Variants in TMEM150B observed in about 807,000 individuals in gnomAD.
The protein encoded by TMEM150B is transmembrane protein 150B, also known as modulator of macroautophagy TMEM150B.
A neutral mutation model predicts 25.2 loss-of-function variants in TMEM150B; 33 were observed. The observed-to-expected ratio is 1.31, with a 90% CI of 0.99 to 1.75. The LOEUF (loss-of-function observed/expected upper bound fraction) is 1.75, where lower values mean the gene tolerates loss of function less well. Among genes scored for constraint, TMEM150B ranks in the 40% most tolerant of loss-of-function variants. The pLI is 0.00. For synonymous variants in TMEM150B, 133 were observed against 134.8 expected, an observed-to-expected ratio of 0.99 and a Z score of 0.09; for missense variants, 322 against 306.1, an observed-to-expected ratio of 1.05 and a Z score of -0.39.
intron 5 of TMEM150B, 43 bp downstream of exon 5, chr19:55,320,348 C>A (rs758497397): frequency 6.6e-7 from 1 of 1,508,400 alleles, no homozygotes; most frequent in Admixed American, 2.3e-5. Context: ...ACTCGCTTGG[C>A]TGGGCTTGGG....
downstream of TMEM150B, among the ~76,000 whole-genome samples, chr19:55,311,097 G>C (rs1348261768): frequency 6.6e-6 from 1 of 152,068 alleles, no homozygotes; most frequent in Non-Finnish European, 1.5e-5. Flanking sequence ...GAGTAGCTGG[G>C]ATTACAGGTG....
chr19:55,322,145 C>T (rs1274987984), intron 2 of TMEM150B, among the ~76,000 whole-genome samples: 3 of 152,128 alleles, frequency 2.0e-5, no homozygotes, highest in African/African-American at 7.2e-5. Context: ...TCCTTCTTCC[C>T]AGGACCCAGG....
At chr19:55,312,770 G>A (rs1430969568), downstream of TMEM150B, 1 of 1,357,468 alleles carries the variant, frequency 7.4e-7, no homozygotes, top group Non-Finnish European at 9.9e-7. Flanking sequence ...GAGATCTCCA[G>A]TGGCTCATCT....
At chr19:55,324,615 T>C (rs757170902) in intron 1 of TMEM150B, 215 of 738,804 alleles carry the variant, frequency 2.9e-4, no homozygotes, top group Non-Finnish European at 3.4e-4. Flanking sequence ...ACCACTGCAT[T>C]CCAGCCTGGG....
downstream of TMEM150B, among the ~76,000 whole-genome samples, chr19:55,311,476 C>T (rs1341500531): frequency 1.3e-5 from 2 of 152,166 alleles, no homozygotes; most frequent in Non-Finnish European, 2.9e-5. Context: ...CAGTAGGCTC[C>T]CTTGAGCCCA....
chr19:55,309,539 C>G (rs369959695), downstream of TMEM150B, among the ~76,000 whole-genome samples: 1 of 152,208 alleles, frequency 6.6e-6, no homozygotes, highest in African/African-American at 2.4e-5. Flanking sequence ...GAGCTGCTTC[C>G]TGGGTCACAG....
intron 6 of TMEM150B, among the ~76,000 whole-genome samples, chr19:55,319,262 C>T (rs1210555961): frequency 1.3e-5 from 2 of 151,710 alleles, no homozygotes; most frequent in South Asian, 2.1e-4. Context: ...CAGGCACCTG[C>T]CACCACCCCT....
At chr19:55,314,907 C>G (rs1231717788) in intron 7 of TMEM150B, among the ~76,000 whole-genome samples, 1 of 152,224 alleles carries the variant, frequency 6.6e-6, no homozygotes, top group Non-Finnish European at 1.5e-5. Flanking sequence ...GCTGGTTTCT[C>G]TGTACTCTCT....
chr19:55,320,449 T>A lies in TMEM150B; in HGVS notation c.138A>T (p.Gly46=). 1 of 1,592,236 alleles carries A rather than the reference T, an allele frequency of 6.3e-7. No homozygotes were observed. Among genetic ancestry groups the A allele is most frequent in the Non-Finnish European group, 8.6e-7 (1 of 1,168,050 alleles). The change falls in exon 5 of 8, where the codon GGA becomes GGT. Residue 46 remains glycine, a synonymous_variant. Coordinates refer to ENST00000326652, the MANE Select transcript of TMEM150B (RefSeq NM_001282011.2). ...SKGFPYISIC[G]SFPPQSCIFS... is the part of the protein sequence containing the mutation. ...AGATGCAGCTCTGAGGGGGGAAGGA[T>A]CCGCAGATGCTGGGGAAGACAAAGG...
At position 55,312,928 on chromosome 19, in the gene TMEM150B, CAG is replaced by C. The variant is rs779265929; in HGVS notation, c.631_632del (p.Leu211ValfsTer?). 3.5e-5 allele frequency: 56 copies of C among 1,611,560 alleles called. No individual in the cohort carries two copies. In the African/African-American group the frequency reaches 7.2e-4, roughly 21 times the overall value. On this transcript the variant is annotated frameshift_variant, in exon 8 of 8. Transcript: ENST00000326652. LOFTEE classifies it low-confidence loss of function (END_TRUNC). Reference protein sequence around the residue: ...VDFSALESCTLCVQPWPSLSP... With the variant: ...VDFSALESCTXCVQPWPSLSP... ...TGAGGCTGGGCCACGGCTGAACACA[CAG>C]GGTGCAGCTCTCCAGGGCGGAGAAG...
chr19:55,320,839 G>T, intron 3 of TMEM150B, 130 bp downstream of exon 3: 1 of 1,217,284 alleles, frequency 8.2e-7, no homozygotes, highest in Non-Finnish European at 1.1e-6. Flanking sequence ...AGGAGTCCAG[G>T]CCTCCAGCTC....
intron 7 of TMEM150B, among the ~76,000 whole-genome samples, chr19:55,314,501 C>A (rs908886190): frequency 6.6e-6 from 1 of 152,218 alleles, no homozygotes; most frequent in Non-Finnish European, 1.5e-5. Flanking sequence ...GCAGCTCCTT[C>A]TGCAAGGCCA....
intron 2 of TMEM150B, 38 bp from the exon 3 acceptor site, chr19:55,321,131 A>C: frequency 6.7e-7 from 1 of 1,500,368 alleles, no homozygotes; most frequent in Admixed American, 2.4e-5. Flanking sequence ...CAGGTGCATG[A>C]GATTGTGGCC....
In TMEM150B at chr19:55,313,048, G is replaced by A; in HGVS notation, c.513C>T (p.Val171=). ...VCTILIVAMI[V]LHACSLRSVS... ...CGCTACGCAGCGAGCAGGCGTGGAG[G>A]ACGATCACTGCCCCAGGGTCAAGGG... The change falls in exon 8 of 8, where the codon GTC becomes GTT. Residue 171 remains valine, a synonymous_variant. Coordinates refer to ENST00000326652, the MANE Select transcript of TMEM150B (RefSeq NM_001282011.2). 1.2e-6 allele frequency: 2 copies of A among 1,609,892 alleles called. No homozygotes were observed. Among genetic ancestry groups the A allele is most frequent in the Non-Finnish European group, 1.7e-6 (2 of 1,178,462 alleles).
At chr19:55,309,998 G>A (rs993120574), downstream of TMEM150B, among the ~76,000 whole-genome samples, 1 of 152,190 alleles carries the variant, frequency 6.6e-6, no homozygotes, top group Admixed American at 6.5e-5. Flanking sequence ...ACGGCCCAGC[G>A]TTGAGGCCAG....
rs149499734 is a variant in TMEM150B, at chr19:55,321,020, G to A, written c.17C>T (p.Ser6Leu). Residue 6 changes from serine (S) to leucine (L), a missense_variant, in exon 3 of 8, where the codon TCG becomes TTG. Coordinates refer to ENST00000326652, the MANE Select transcript of TMEM150B (RefSeq NM_001282011.2). MWGYL[S>L]LMPVFLAVWA... is the part of the protein sequence containing the mutation. The stretch of plus-strand genomic sequence containing the variant: ...GACAGCTAGGAAGACAGGCATCAGC[G>A]ACAGGTAGCCCCACATGCCGGGCTC... 356 of 1,613,836 alleles carry A rather than the reference G, an allele frequency of 2.2e-4. No homozygotes were observed. The highest frequency in any genetic ancestry group is 2.9e-4 in the Non-Finnish European group (343 of 1,179,852).
At position 55,316,837 on chromosome 19, in the gene TMEM150B, C is replaced by G. The variant is rs754475352; in HGVS notation, c.454G>C (p.Gly152Arg). 29 of 1,585,452 alleles carry G rather than the reference C, an allele frequency of 1.8e-5. No individual in the cohort carries two copies. The highest frequency in any genetic ancestry group is 2.5e-5 in the Non-Finnish European group (29 of 1,170,432). Residue 152 changes from glycine (G) to arginine (R), a missense_variant, in exon 7 of 8, where the codon GGG becomes CGG. Gly to Arg is a moderately radical substitution (Grantham distance 125, BLOSUM62 -2). Coordinates refer to ENST00000326652, the MANE Select transcript of TMEM150B (RefSeq NM_001282011.2). Reference sequence around the variant, plus strand: ...CTGCAGAGGCCCAGGCGGAGGGGCCCAATCCAGGCAGCCCCGGGCTGGGGC... The same window carrying G: ...CTGCAGAGGCCCAGGCGGAGGGGCCGAATCCAGGCAGCCCCGGGCTGGGGC... ...RLPQPGAAWIGPLRLGLCSVC... is the reference protein window; with the variant it reads ...RLPQPGAAWIRPLRLGLCSVC...
chr19:55,312,757 GGA>G, downstream of TMEM150B: 1 of 1,284,378 alleles, frequency 7.8e-7, no homozygotes, highest in Non-Finnish European at 1.1e-6. Flanking sequence ...CCAGCTGGTT[GGA>G]GAGATCTCCA....
At chr19:55,320,313 G>T in intron 5 of TMEM150B, 78 bp downstream of exon 5, 1 of 1,502,146 alleles carries the variant, frequency 6.7e-7, no homozygotes, top group Non-Finnish European at 8.9e-7. Flanking sequence ...TGGACTCCTG[G>T]GTTTGAGAAA....
Sources: gnomAD v4.1 joint callset for allele counts (sites outside exome capture counted in the v4.1 genomes callset) on GRCh38, gnomAD v4.1.1 for gene constraint, MANE v1.5 for transcripts, NCBI Gene and HGNC (gene_info 2026-07-23, HGNC 2026-07-21) for gene names.